The following MAST4 variants were observed in gnomAD, a reference collection of about 807,000 sequenced individuals.
MAST4 encodes the protein microtubule-associated serine/threonine-protein kinase 4.
Under a neutral mutation model 162.7 loss-of-function variants are expected in MAST4, and 89 were observed. That is an observed-to-expected ratio of 0.55 (90% CI 0.46 to 0.65). The LOEUF (loss-of-function observed/expected upper bound fraction) is 0.65. Among genes scored for constraint, MAST4 ranks in the 30% least tolerant of loss-of-function variants. MAST4 has a pLI of 0.00. For missense variants in MAST4, 3,153 were observed against 3,374.0 expected (o/e 0.93, Z 1.62); for synonymous variants, 1,479 against 1,361.1 (o/e 1.09, Z -1.91).
intron 2 of MAST4, among the ~76,000 whole-genome samples, chr5:66,760,975 TAGAAA>T (rs1753822442): frequency 6.6e-6 from 1 of 152,188 alleles, no homozygotes; most frequent in African/African-American, 2.4e-5. Context: ...AAAATAAAAT[TAGAAA>T]AGAAACTGCT....
chr5:66,727,678 G>A (rs1388662385), intron 1 of MAST4, among the ~76,000 whole-genome samples: 1 of 152,150 alleles, frequency 6.6e-6, no homozygotes, highest in East Asian at 1.9e-4. Context: ...TGTCATTTAT[G>A]TGGCTTTTTT....
intron 1 of MAST4, among the ~76,000 whole-genome samples, chr5:66,633,695 G>A (rs974693277): frequency 6.6e-6 from 1 of 152,132 alleles, no homozygotes; most frequent in African/African-American, 2.4e-5. Context: ...CTGGGGGCTA[G>A]GTTTGTTTGT....
intron 1 of MAST4, among the ~76,000 whole-genome samples, chr5:66,757,390 A>T (rs1202763389): frequency 6.6e-6 from 1 of 152,196 alleles, no homozygotes; most frequent in Non-Finnish European, 1.5e-5. Flanking sequence ...GCTGTTATGG[A>T]ACATTTTGTT....
chr5:66,788,607 C>CCAAACAAAAAAAA, intron 2 of MAST4, 63 bp from the exon 3 acceptor site: 1 of 1,373,726 alleles, frequency 7.3e-7, no homozygotes, highest in Non-Finnish European at 1.0e-6. Context: ...CCCCCACCCC[C>CCAAACAAAAAAAA]ATTGCAATAA....
At chr5:67,088,215 T>C (rs1763468354) in intron 5 of MAST4, among the ~76,000 whole-genome samples, 1 of 152,162 alleles carries the variant, frequency 6.6e-6, no homozygotes, top group African/African-American at 2.4e-5. Flanking sequence ...GTTGATCACG[T>C]TGTAATCTCC....
chr5:67,055,193 T>C (rs1581369294), intron 5 of MAST4, among the ~76,000 whole-genome samples: 1 of 151,684 alleles, frequency 6.6e-6, no homozygotes, highest in Non-Finnish European at 1.5e-5. Context: ...ATGGCTAGAG[T>C]GTGGGGATGT....
intron 1 of MAST4, among the ~76,000 whole-genome samples, chr5:66,733,435 C>G (rs1317005509): frequency 6.6e-6 from 1 of 152,090 alleles, no homozygotes; most frequent in Non-Finnish European, 1.5e-5. Context: ...ATCTTTCATT[C>G]TGTAGGTTGG....
At chr5:66,953,917 A>G (rs193124793) in intron 4 of MAST4, among the ~76,000 whole-genome samples, 1 of 152,274 alleles carries the variant, frequency 6.6e-6, no homozygotes, top group East Asian at 1.9e-4. Context: ...GCAAAGGGTA[A>G]AACCAAAAAT....
chr5:66,603,181 A>G (rs904129028), intron 1 of MAST4, among the ~76,000 whole-genome samples: 1 of 152,176 alleles, frequency 6.6e-6, no homozygotes, highest in Non-Finnish European at 1.5e-5. Context: ...GTAGGTAGAT[A>G]TGTAACAGTT....
chr5:67,012,800 A>G (rs1752847416), intron 4 of MAST4, among the ~76,000 whole-genome samples: 4 of 152,252 alleles, frequency 2.6e-5, no homozygotes. Context: ...GTTGATCTTA[A>G]ACCTTATTAA....
intron 1 of MAST4, among the ~76,000 whole-genome samples, chr5:66,693,211 A>G (rs921631534): frequency 1.3e-5 from 2 of 152,206 alleles, no homozygotes; most frequent in Non-Finnish European, 1.5e-5. Context: ...GCTTTCAACA[A>G]GTCATTAAAG....
intron 1 of MAST4, among the ~76,000 whole-genome samples, chr5:66,719,626 A>G (rs1751072683): frequency 6.6e-6 from 1 of 152,170 alleles, no homozygotes; most frequent in Non-Finnish European, 1.5e-5. Flanking sequence ...TACAAGTGCC[A>G]TGATGGTTTG....
intron 5 of MAST4, among the ~76,000 whole-genome samples, chr5:67,061,025 A>G (rs1474312074): frequency 1.3e-5 from 2 of 152,240 alleles, no homozygotes; most frequent in Non-Finnish European, 2.9e-5. Context: ...TCTGATTATA[A>G]CAGTAAAGCT....
intron 10 of MAST4, among the ~76,000 whole-genome samples, chr5:67,109,049 AT>A (rs1486337289): frequency 1.3e-5 from 2 of 152,104 alleles, no homozygotes; most frequent in African/African-American, 4.8e-5. Flanking sequence ...GATTCATCTG[AT>A]TTTTTTCAAG....
At chr5:66,716,937 C>T (rs983316829) in intron 1 of MAST4, among the ~76,000 whole-genome samples, 3 of 152,194 alleles carry the variant, frequency 2.0e-5, no homozygotes, top group Non-Finnish European at 4.4e-5. Context: ...ACACATGTCT[C>T]CTAGTGCATT....
At chr5:66,714,467 CTT>C (rs1750692691) in intron 1 of MAST4, among the ~76,000 whole-genome samples, 1 of 152,194 alleles carries the variant, frequency 6.6e-6, no homozygotes, top group South Asian at 2.1e-4. Flanking sequence ...GCACCTCTCT[CTT>C]GATGTGCCAC....
At chr5:67,043,587 G>A (rs1757018664) in intron 4 of MAST4, among the ~76,000 whole-genome samples, 1 of 152,120 alleles carries the variant, frequency 6.6e-6, no homozygotes, top group African/African-American at 2.4e-5. Flanking sequence ...ATAATCTAAT[G>A]CCATTAAATT....
At chr5:66,981,908 C>T (rs950816322) in intron 4 of MAST4, among the ~76,000 whole-genome samples, 8 of 152,168 alleles carry the variant, frequency 5.3e-5, no homozygotes. Context: ...ACTCTTGATT[C>T]TCATAAAAAC....
intron 2 of MAST4, among the ~76,000 whole-genome samples, chr5:66,760,417 A>G (rs1753792505): frequency 6.6e-6 from 1 of 152,010 alleles, no homozygotes; most frequent in Admixed American, 6.6e-5. Context: ...CCCGGCCAAT[A>G]TCCCCAATTT....
Sources: gnomAD v4.1 joint callset for allele counts (sites outside exome capture counted in the v4.1 genomes callset) on GRCh38, gnomAD v4.1.1 for gene constraint, MANE v1.5 for transcripts, NCBI Gene and HGNC (gene_info 2026-07-23, HGNC 2026-07-21) for gene names.